The following LRP1B variants were observed in gnomAD, a reference collection of about 807,000 sequenced individuals.
The protein encoded by LRP1B is LDL receptor related protein 1B.
Under a neutral mutation model 556.6 loss-of-function variants are expected in LRP1B, and 217 were observed. That is an observed-to-expected ratio of 0.39 (90% CI 0.35 to 0.44). The LOEUF is 0.44. Ranked by LOEUF, LRP1B falls within the 20% of genes least tolerant of loss-of-function variation. The pLI, the probability that LRP1B is intolerant of heterozygous loss-of-function variation, is 1.00. For synonymous variants in LRP1B, 2,047 were observed against 1,865.8 expected (o/e 1.10, Z -2.50); for missense variants, 5,053 against 5,620.8 (o/e 0.90, Z 3.23).
chr2:141,125,247 A>C (rs1417765258), intron 7 of LRP1B, among the ~76,000 whole-genome samples: 1 of 152,196 alleles, frequency 6.6e-6, no homozygotes, highest in African/African-American at 2.4e-5. Context: ...CAAACTTGCT[A>C]TGTTGACCCC....
At chr2:140,736,517 T>C (rs1380991870) in intron 35 of LRP1B, among the ~76,000 whole-genome samples, 2 of 152,160 alleles carry the variant, frequency 1.3e-5, no homozygotes, top group African/African-American at 4.8e-5. Flanking sequence ...ATGGTACTGG[T>C]ACCAAAACAG....
intron 29 of LRP1B, among the ~76,000 whole-genome samples, chr2:140,842,940 G>A (rs17517552): frequency 0.43 from 65,716 of 151,732 alleles, 15,872 homozygotes; most frequent in East Asian, 0.57. Flanking sequence ...ATATGGGGCT[G>A]AAGAATATTT....
intron 89 of LRP1B, among the ~76,000 whole-genome samples, chr2:140,236,676 CAGAT>C (rs1422904932): frequency 6.6e-6 from 1 of 150,774 alleles, no homozygotes; most frequent in Admixed American, 6.6e-5. Flanking sequence ...GATATTATGA[CAGAT>C]AGAAAAATAT....
At chr2:141,572,047 C>T (rs1686548820) in intron 2 of LRP1B, among the ~76,000 whole-genome samples, 1 of 152,138 alleles carries the variant, frequency 6.6e-6, no homozygotes, top group Non-Finnish European at 1.5e-5. Flanking sequence ...TCTAGCAAGA[C>T]AGGCCAACAT....
Position 140,949,479 on chromosome 2 carries a change from TC to T in LRP1B, c.3136+755del, listed in dbSNP as rs1381801790. On this transcript the variant is annotated intron_variant, in intron 20 of 90. Coordinates refer to ENST00000389484, the MANE Select transcript of LRP1B (RefSeq NM_018557.3). Reference sequence around the variant, plus strand: ...ATCTCCTTCCTTTCTTAGCTTGTACTCTAGAAAGTCAGTCAGTTGGAAATAC... The same window carrying T: ...ATCTCCTTCCTTTCTTAGCTTGTACTTAGAAAGTCAGTCAGTTGGAAATAC... 3.9e-5 allele frequency among the ~76,000 whole-genome samples: 6 copies of T among 152,310 alleles called. 1 individual carries two copies. Among genetic ancestry groups the T allele is most frequent in the African/African-American group, 1.4e-4 (6 of 41,580 alleles).
rs61682272 is a variant in LRP1B, at chr2:141,923,403, CTA to C, written c.83-113004_83-113003del. On this transcript the variant is annotated intron_variant, in intron 1 of 90. Transcript: ENST00000389484. ...ATTTTTAATGAAATTATCTCTGTCA[CTA>C]TATATATATATATATATAGTGACAA... is the stretch of plus-strand genomic sequence containing the variant. 5.0e-4 allele frequency among the ~76,000 whole-genome samples: 51 copies of C among 102,074 alleles called. 2 individuals are homozygous for C. The highest frequency in any genetic ancestry group is 1.1e-3 in the African/African-American group (27 of 25,042). The allele number at this position is 102,074 out of a possible 152,430, so 67.0% of individuals were successfully genotyped here.
chr2:141,639,190 G>T (rs1689216761), intron 2 of LRP1B, among the ~76,000 whole-genome samples: 1 of 139,978 alleles, frequency 7.1e-6, no homozygotes, highest in Admixed American at 7.4e-5. Flanking sequence ...CACACTGGAG[G>T]CCGACACCAG....
chr2:141,112,403 T>C (rs1417766091), intron 7 of LRP1B, among the ~76,000 whole-genome samples: 1 of 152,202 alleles, frequency 6.6e-6, no homozygotes, highest in Non-Finnish European at 1.5e-5. Flanking sequence ...GTTGGTAATT[T>C]TGCTATTTAA....
chr2:141,627,774 T>C (rs1350614864), intron 2 of LRP1B, among the ~76,000 whole-genome samples: 1 of 152,150 alleles, frequency 6.6e-6, no homozygotes, highest in Non-Finnish European at 1.5e-5. Flanking sequence ...AAAGGTAAAC[T>C]GTGAACCTTG....
chr2:141,499,259 A>G (rs971116955), intron 2 of LRP1B, among the ~76,000 whole-genome samples: 3 of 152,074 alleles, frequency 2.0e-5, no homozygotes, highest in African/African-American at 7.2e-5. Context: ...GTCTTGTGCA[A>G]TGTCACAGCG....
At chr2:140,910,369 ATC>A (rs1400962022) in intron 21 of LRP1B, among the ~76,000 whole-genome samples, 3 of 151,804 alleles carry the variant, frequency 2.0e-5, no homozygotes, top group Non-Finnish European at 4.4e-5. Context: ...ATAAAGCTGA[ATC>A]TCTACTTGGC....
chr2:141,546,734 C>T (rs1050942958), intron 2 of LRP1B, among the ~76,000 whole-genome samples: 1 of 152,096 alleles, frequency 6.6e-6, no homozygotes, highest in Non-Finnish European at 1.5e-5. Flanking sequence ...ATTTAACAGC[C>T]CTCTTTTAAT....
At chr2:140,710,371 C>A (rs1224962186) in intron 37 of LRP1B, among the ~76,000 whole-genome samples, 1 of 151,834 alleles carries the variant, frequency 6.6e-6, no homozygotes, top group African/African-American at 2.4e-5. Context: ...GAAAGGAAGG[C>A]AACAGATGAG....
chr2:141,942,239 T>G (rs1700830295), intron 1 of LRP1B, among the ~76,000 whole-genome samples: 1 of 152,190 alleles, frequency 6.6e-6, no homozygotes, highest in Admixed American at 6.5e-5. Context: ...ATCTTTTCTC[T>G]TTTTAAAGAA....
chr2:140,945,389 C>T (rs1695511797), intron 20 of LRP1B, among the ~76,000 whole-genome samples: 1 of 152,040 alleles, frequency 6.6e-6, no homozygotes, highest in South Asian at 2.1e-4. Flanking sequence ...GAAAATAATT[C>T]CAAATAGCCA....
intron 83 of LRP1B, among the ~76,000 whole-genome samples, chr2:140,302,353 A>G (rs933594473): frequency 6.6e-6 from 1 of 152,140 alleles, no homozygotes; most frequent in Non-Finnish European, 1.5e-5. Flanking sequence ...TGGTAAGTTC[A>G]TCGACTCTTC....
chr2:140,602,739 TA>T (rs1372248526), intron 41 of LRP1B, among the ~76,000 whole-genome samples: 4 of 123,464 alleles, frequency 3.2e-5, no homozygotes, highest in Admixed American at 8.2e-5. Flanking sequence ...TTTTTTTTCA[TA>T]TTTTTTTATT....
intron 77 of LRP1B, among the ~76,000 whole-genome samples, chr2:140,350,197 A>C (rs1024082034): frequency 6.6e-6 from 1 of 152,068 alleles, no homozygotes; most frequent in Admixed American, 6.6e-5. Flanking sequence ...GGGATAATCT[A>C]ATCTACAACC....
intron 1 of LRP1B, among the ~76,000 whole-genome samples, chr2:142,060,799 AATAAG>A (rs988949920): frequency 2.6e-4 from 39 of 152,192 alleles, no homozygotes; most frequent in African/African-American, 4.1e-4. Context: ...ATCAGCTTAA[AATAAG>A]ATAATAGGTT....
Sources: gnomAD v4.1 joint callset for allele counts (sites outside exome capture counted in the v4.1 genomes callset) on GRCh38, gnomAD v4.1.1 for gene constraint, MANE v1.5 for transcripts, NCBI Gene and HGNC (gene_info 2026-07-23, HGNC 2026-07-21) for gene names.